CDH13: variants seen among roughly 807,000 people sequenced by gnomAD.
CDH13 encodes cadherin-13.
Under a neutral mutation model 63.8 loss-of-function variants are expected in CDH13, and 24 were observed. That is an observed-to-expected ratio of 0.38 (90% CI 0.27 to 0.53). CDH13 has a LOEUF of 0.53. Among genes scored for constraint, CDH13 ranks in the 20% least tolerant of loss-of-function variants. CDH13 has a pLI of 0.85. For missense variants in CDH13, 1,049 were observed against 903.1 expected (o/e 1.16, Z -2.07); for synonymous variants, 503 against 355.3 (o/e 1.42, Z -4.67).
chr16:83,598,478 G>A (rs1907479243), intron 7 of CDH13, among the ~76,000 whole-genome samples: 1 of 152,174 alleles, frequency 6.6e-6, no homozygotes, highest in African/African-American at 2.4e-5. Context: ...TAAAATGATA[G>A]GAATACTGTT....
chr16:82,913,024 G>C (rs2041880820), intron 2 of CDH13, among the ~76,000 whole-genome samples: 1 of 151,944 alleles, frequency 6.6e-6, no homozygotes, highest in East Asian at 1.9e-4. Context: ...TCTGAATTTA[G>C]GCCTAATTCA....
At chr16:82,933,820 GCTCCAAAATAAT>G (rs1567674090) in intron 2 of CDH13, among the ~76,000 whole-genome samples, 1 of 152,206 alleles carries the variant, frequency 6.6e-6, no homozygotes, top group Non-Finnish European at 1.5e-5. Context: ...AACTCTTAAA[GCTCCAAAATAAT>G]CTCCTTTGAC....
In CDH13 at chr16:82,883,129, A is replaced by C. The variant is rs746167297; in HGVS notation, c.157+24656A>C. Among the ~76,000 whole-genome samples, 94 of 152,340 alleles carry C rather than the reference A, an allele frequency of 6.2e-4. 1 individual carries two copies. The highest frequency in any genetic ancestry group is 1.0e-3 in the Non-Finnish European group (68 of 68,032). On this transcript the variant is annotated intron_variant, in intron 2 of 13. Coordinates refer to ENST00000567109, the MANE Select transcript of CDH13 (RefSeq NM_001257.5). Reference sequence around the variant, plus strand: ...AATGGGGTTTCACACCATTAAATTCAGAAAGCATAAGAGAAGAGATAAGAA... The same window carrying C: ...AATGGGGTTTCACACCATTAAATTCCGAAAGCATAAGAGAAGAGATAAGAA...
At chr16:83,597,372 G>GAT (rs1391942302) in intron 7 of CDH13, among the ~76,000 whole-genome samples, 6 of 152,200 alleles carry the variant, frequency 3.9e-5, no homozygotes, top group African/African-American at 1.4e-4. Context: ...AGATAAAAGT[G>GAT]ATATGGTAAA....
intron 10 of CDH13, among the ~76,000 whole-genome samples, chr16:83,707,836 C>CAGAAAAAAAAA (rs1907337318): frequency 1.3e-5 from 1 of 78,902 alleles, no homozygotes; most frequent in Non-Finnish European, 2.3e-5. Context: ...ACCCTAAAGG[C>CAGAAAAAAAAA]AAAAAAAAAA....
chr16:83,607,153 C>G (rs1210162389), intron 8 of CDH13, among the ~76,000 whole-genome samples: 1 of 152,152 alleles, frequency 6.6e-6, no homozygotes, highest in Non-Finnish European at 1.5e-5. Context: ...CACGGTGGCT[C>G]ACACCTGTAA....
intron 8 of CDH13, among the ~76,000 whole-genome samples, chr16:83,616,265 A>G (rs1460723081): frequency 3.3e-5 from 5 of 152,222 alleles, no homozygotes; most frequent in Admixed American, 3.3e-4. Flanking sequence ...GAAAAAATAT[A>G]TAATCTACCA....
Position 82,788,390 on chromosome 16 carries a change from C to T in CDH13, c.46-69972C>T, listed in dbSNP as rs115398592. The stretch of plus-strand genomic sequence containing the variant: ...GAGCCATGCAGGCCTCCTGGACGAC[C>T]GCCCTGATGTGGTCCACGTGACTCT... On this transcript the variant is annotated intron_variant, in intron 1 of 13. Coordinates refer to ENST00000567109, the MANE Select transcript of CDH13 (RefSeq NM_001257.5). Among the ~76,000 whole-genome samples the T allele has an allele frequency of 5.5e-3, 833 of 152,250 alleles. 11 individuals are homozygous for T. Among genetic ancestry groups the T allele is most frequent in the African/African-American group, 0.019 (776 of 41,550 alleles).
chr16:83,592,879 G>A (rs1025012539), intron 7 of CDH13, among the ~76,000 whole-genome samples: 3 of 152,200 alleles, frequency 2.0e-5, no homozygotes, highest in Non-Finnish European at 4.4e-5. Flanking sequence ...ACAAACACAA[G>A]TCAAACCAGG....
chr16:83,052,801 A>AAAAAAAAAAAAAAAAAAG (rs1555571697), intron 3 of CDH13, among the ~76,000 whole-genome samples: 1 of 122,658 alleles, frequency 8.2e-6, no homozygotes, highest in African/African-American at 3.3e-5. Context: ...AAAAAAAAAA[A>AAAAAAAAAAAAAAAAAAG]AAAGAAAGAA....
rs545959424 is a variant in CDH13 at position 82,919,183 on chromosome 16, A to C, written c.157+60710A>C. Among the ~76,000 whole-genome samples the C allele has an allele frequency of 3.5e-4, 54 of 152,234 alleles. 1 individual carries two copies. In the South Asian group the frequency reaches 1.0e-2, roughly 28 times the overall value. ...GTTATATTTCAATCTTACTTTTTACATCTTTGTCATATGGCATCTTTACTT... is the reference window on the plus strand; with the variant it reads ...GTTATATTTCAATCTTACTTTTTACCTCTTTGTCATATGGCATCTTTACTT... On this transcript the variant is annotated intron_variant, in intron 2 of 13. Coordinates refer to ENST00000567109, the MANE Select transcript of CDH13 (RefSeq NM_001257.5).
At chr16:82,694,729 A>C (rs1307020836) in intron 1 of CDH13, among the ~76,000 whole-genome samples, 2 of 152,232 alleles carry the variant, frequency 1.3e-5, no homozygotes, top group Admixed American at 1.3e-4. Context: ...AGTATGATTC[A>C]CCCAATCACT....
intron 6 of CDH13, among the ~76,000 whole-genome samples, chr16:83,445,290 T>TATAA (rs2072650597): frequency 1.5e-5 from 2 of 137,224 alleles, no homozygotes; most frequent in Non-Finnish European, 3.4e-5. Context: ...TTATAAAAGG[T>TATAA]TTTATAAATT....
At chr16:83,556,118 C>G (rs1471500226) in intron 7 of CDH13, among the ~76,000 whole-genome samples, 2 of 152,010 alleles carry the variant, frequency 1.3e-5, no homozygotes, top group African/African-American at 2.4e-5. Context: ...AAAAGTTAGT[C>G]TTTCATGTTG....
intron 2 of CDH13, among the ~76,000 whole-genome samples, chr16:82,957,012 A>G (rs570040219): frequency 1.3e-3 from 204 of 152,336 alleles, no homozygotes; most frequent in Non-Finnish European, 2.2e-3. Flanking sequence ...AGAGATGTGT[A>G]GGAAGCTGAA....
intron 1 of CDH13, among the ~76,000 whole-genome samples, chr16:82,648,374 G>C (rs1314070790): frequency 6.6e-6 from 1 of 152,214 alleles, no homozygotes; most frequent in Non-Finnish European, 1.5e-5. Context: ...TTAGGAAGTA[G>C]TTGCCACATG....
intron 3 of CDH13, among the ~76,000 whole-genome samples, chr16:83,078,281 C>A (rs572575299): frequency 2.6e-5 from 4 of 152,238 alleles, no homozygotes; most frequent in African/African-American, 9.6e-5. Flanking sequence ...AACAAGCAGT[C>A]CCCAACCTTT....
chr16:83,288,407 G>A (rs929700391), intron 5 of CDH13, among the ~76,000 whole-genome samples: 1 of 152,174 alleles, frequency 6.6e-6, no homozygotes, highest in Non-Finnish European at 1.5e-5. Flanking sequence ...ATCAAATTAG[G>A]CATAAAGCCT....
chr16:83,053,992 C>G (rs1321721878), intron 3 of CDH13, among the ~76,000 whole-genome samples: 5 of 152,140 alleles, frequency 3.3e-5, no homozygotes, highest in African/African-American at 7.2e-5. Context: ...TTTTACTGTA[C>G]TTTTTGTGTT....
Sources: allele counts gnomAD v4.1 joint callset (sites outside exome capture counted in the v4.1 genomes callset), GRCh38; gene constraint gnomAD v4.1.1; transcripts MANE v1.5; gene names NCBI Gene and HGNC (gene_info 2026-07-23, HGNC 2026-07-21).